Variants in TUSC3 observed in about 807,000 individuals in gnomAD.
The protein encoded by TUSC3 is tumor suppressor candidate 3.
In TUSC3, 45 loss-of-function variants were observed where a neutral mutation model predicts 44.8. The ratio of observed to expected loss-of-function variants is 1.00; its 90% CI spans 0.79 to 1.29. TUSC3 has a LOEUF of 1.29. Among genes scored for constraint, TUSC3 ranks in the 50% most tolerant of loss-of-function variants. TUSC3 has a pLI of 0.00. For missense variants in TUSC3, 519 were observed against 437.9 expected, an observed-to-expected ratio of 1.19 and a Z score of -1.65; for synonymous variants, 212 against 152.9, an observed-to-expected ratio of 1.39 and a Z score of -2.85.
Position 15,459,339 on chromosome 8 carries a change from C to T in TUSC3, n.92-24047C>T, listed in dbSNP as rs995743796. 2.0e-5 allele frequency among the ~76,000 whole-genome samples: 3 copies of T among 152,056 alleles called. 1 individual carries two copies. In the South Asian group the frequency reaches 6.2e-4, roughly 31 times the overall value. On this transcript the variant is annotated intron_variant and non_coding_transcript_variant, in intron 1 of 5. Transcript: ENST00000503191. ...TGCTTTCATTCCTGTTCATAACTGT[C>T]AGTATTCTTGCTTAACTGTGATTTG...
At chr8:15,798,987 C>A in the TUSC3 span, among the ~76,000 whole-genome samples, 12 of 152,172 alleles carry the variant, frequency 7.9e-5, no homozygotes, top group African/African-American at 2.9e-4. Context: ...CAATCAGGAG[C>A]AGTAAGACCA....
At chr8:15,461,343 A>C (rs1390446374) in intron 1 of TUSC3, among the ~76,000 whole-genome samples, 1 of 151,948 alleles carries the variant, frequency 6.6e-6, no homozygotes, top group Non-Finnish European at 1.5e-5. Flanking sequence ...CTGCTTGGTC[A>C]CTGTTGGTGT....
intron 6 of TUSC3, among the ~76,000 whole-genome samples, chr8:15,714,216 C>G (rs1014084039): frequency 4.6e-5 from 7 of 152,040 alleles, no homozygotes; most frequent in Non-Finnish European, 1.0e-4. Flanking sequence ...AATTTTGTAA[C>G]ACTTTACCTC....
intron 2 of TUSC3, among the ~76,000 whole-genome samples, chr8:15,533,813 C>G (rs978349757): frequency 6.6e-6 from 1 of 152,012 alleles, no homozygotes; most frequent in Admixed American, 6.6e-5. Flanking sequence ...TGTCTCTGGC[C>G]AGATGGGAGG....
the TUSC3 span, among the ~76,000 whole-genome samples, chr8:15,780,273 C>T: frequency 2.0e-5 from 3 of 152,196 alleles, no homozygotes; most frequent in African/African-American, 2.4e-5. Context: ...TGGACCCCAC[C>T]CCAGGTACTG....
chr8:15,420,489 C>G (rs1799725176), intron 1 of TUSC3, among the ~76,000 whole-genome samples: 1 of 151,310 alleles, frequency 6.6e-6, no homozygotes, highest in South Asian at 2.1e-4. Context: ...CAGAGTGAGA[C>G]TCTGTCTCAT....
intron 1 of TUSC3, among the ~76,000 whole-genome samples, chr8:15,602,492 T>C (rs1265958350): frequency 2.0e-5 from 3 of 151,614 alleles, no homozygotes; most frequent in African/African-American, 7.3e-5. Flanking sequence ...TTAGAGGTGA[T>C]TTCTCTTGGT....
At chr8:15,444,524 G>T (rs1218958397) in intron 1 of TUSC3, among the ~76,000 whole-genome samples, 1 of 152,152 alleles carries the variant, frequency 6.6e-6, no homozygotes, top group Non-Finnish European at 1.5e-5. Context: ...ACCTGGGGAT[G>T]GTGGAAGATG....
chr8:15,749,317 A>G (rs1003213880), intron 9 of TUSC3, among the ~76,000 whole-genome samples: 3 of 152,122 alleles, frequency 2.0e-5, no homozygotes, highest in Non-Finnish European at 4.4e-5. Flanking sequence ...GGACATTTTT[A>G]GAACGTTTCC....
chr8:15,454,310 G>A lies in TUSC3; in HGVS notation n.92-29076G>A, dbSNP rs190941292. 1.8e-3 allele frequency among the ~76,000 whole-genome samples: 270 copies of A among 152,194 alleles called. 1 individual carries two copies. Among genetic ancestry groups the A allele is most frequent in the African/African-American group, 6.2e-3 (258 of 41,522 alleles). On this transcript the variant is annotated intron_variant and non_coding_transcript_variant, in intron 1 of 5. Transcript: ENST00000503191. ...TTCTTAATAAACTTTCACTCCTACT[G>A]TAAAACCTGCCCTGCTTCAGCCTTA... is the stretch of plus-strand genomic sequence containing the variant.
chr8:15,480,308 C>A (rs79890668), intron 1 of TUSC3, among the ~76,000 whole-genome samples: 7,659 of 152,296 alleles, frequency 0.05, 245 homozygotes, highest in South Asian at 0.1. Context: ...CACTGACATT[C>A]TTCACATAAT....
At chr8:15,417,904 A>T (rs1332784831) in intron 1 of TUSC3, among the ~76,000 whole-genome samples, 1 of 152,200 alleles carries the variant, frequency 6.6e-6, no homozygotes, top group Non-Finnish European at 1.5e-5. Context: ...AGGAAGGTAC[A>T]GGAGCCTGCC....
chr8:15,533,120 C>T (rs1259775189), intron 2 of TUSC3, among the ~76,000 whole-genome samples: 1 of 152,150 alleles, frequency 6.6e-6, no homozygotes, highest in African/African-American at 2.4e-5. Flanking sequence ...ATGGGAGTTT[C>T]CCTGTACCAG....
chr8:15,437,063 T>A (rs1270539140), intron 1 of TUSC3, among the ~76,000 whole-genome samples: 2 of 152,088 alleles, frequency 1.3e-5, no homozygotes, highest in African/African-American at 4.8e-5. Context: ...TACTTAAAAG[T>A]TTAAAGGAAA....
intron 8 of TUSC3, among the ~76,000 whole-genome samples, chr8:15,744,609 G>A (rs1292778472): frequency 6.6e-6 from 1 of 152,082 alleles, no homozygotes; most frequent in Non-Finnish European, 1.5e-5. Flanking sequence ...ATACTTAAAA[G>A]TCTTAGGGGT....
intron 10 of TUSC3, among the ~76,000 whole-genome samples, chr8:15,760,439 A>G (rs1195802431): frequency 2.0e-5 from 3 of 152,172 alleles, no homozygotes; most frequent in South Asian, 2.1e-4. Flanking sequence ...TGCCACAACT[A>G]TTTTAAGTTT....
intron 1 of TUSC3, among the ~76,000 whole-genome samples, chr8:15,422,511 A>C (rs1045700670): frequency 2.0e-4 from 30 of 152,208 alleles, no homozygotes; most frequent in African/African-American, 7.2e-4. Flanking sequence ...TCTAGTGTAC[A>C]ATAAGGTGAC....
At chr8:15,681,855 A>G (rs751826045) in intron 6 of TUSC3, among the ~76,000 whole-genome samples, 1 of 151,922 alleles carries the variant, frequency 6.6e-6, no homozygotes, top group Admixed American at 6.6e-5. Context: ...AGATTTTGGT[A>G]TGTTGTATCT....
At position 15,605,241 on chromosome 8, in the gene TUSC3, C is replaced by T. The variant is rs138087312; in HGVS notation, c.139-17839C>T. Reference sequence around the variant, plus strand: ...AGCACAGAGTAACTCATGCCGCTACCTGGCTTTGTTTCATATCTTTTCCTA... The same window carrying T: ...AGCACAGAGTAACTCATGCCGCTACTTGGCTTTGTTTCATATCTTTTCCTA... On this transcript the variant is annotated intron_variant, in intron 1 of 10. Coordinates refer to ENST00000503731, the MANE Select transcript of TUSC3 (RefSeq NM_006765.4). Among the ~76,000 whole-genome samples, 62 of 151,966 alleles carry T rather than the reference C, an allele frequency of 4.1e-4. 1 individual carries two copies. Among genetic ancestry groups the T allele is most frequent in the African/African-American group, 1.4e-3 (59 of 41,508 alleles).
Sources: gnomAD v4.1 joint callset for allele counts (sites outside exome capture counted in the v4.1 genomes callset) on GRCh38, gnomAD v4.1.1 for gene constraint, MANE v1.5 for transcripts, NCBI Gene and HGNC (gene_info 2026-07-23, HGNC 2026-07-21) for gene names.